Variants in CTNNA2 observed in about 807,000 individuals in gnomAD.
The protein encoded by CTNNA2 is catenin alpha 2.
CTNNA2 carries 42 observed loss-of-function variants against 101.0 expected under a neutral mutation model. The ratio of observed to expected loss-of-function variants is 0.42; its 90% CI spans 0.32 to 0.54. CTNNA2 has a LOEUF of 0.54. Among genes scored for constraint, CTNNA2 ranks in the 20% least tolerant of loss-of-function variants. The probability of loss-of-function intolerance (pLI) is 0.14; values close to 1 mark genes in which losing one functional copy is unlikely to be tolerated. For missense variants in CTNNA2, 871 were observed against 1,223.1 expected, an observed-to-expected ratio of 0.71 and a Z score of 4.29; for synonymous variants, 450 against 456.4, an observed-to-expected ratio of 0.99 and a Z score of 0.18.
chr2:80,404,563 TG>T (rs1385380608), intron 8 of CTNNA2, among the ~76,000 whole-genome samples: 3 of 152,068 alleles, frequency 2.0e-5, no homozygotes, highest in Non-Finnish European at 4.4e-5. Context: ...AATGAGGAGA[TG>T]GGTAGGAGTT....
At chr2:80,455,881 G>A (rs997761174) in intron 9 of CTNNA2, among the ~76,000 whole-genome samples, 3 of 152,036 alleles carry the variant, frequency 2.0e-5, no homozygotes, top group South Asian at 2.1e-4. Context: ...TTTAATCTTC[G>A]AAACAAGCCT....
chr2:80,549,847 G>T (rs1281731832), intron 11 of CTNNA2, among the ~76,000 whole-genome samples: 2 of 152,134 alleles, frequency 1.3e-5, no homozygotes, highest in Admixed American at 1.3e-4. Flanking sequence ...TGTGAATGAA[G>T]TGTGTATTCT....
intron 4 of CTNNA2, among the ~76,000 whole-genome samples, chr2:79,862,478 A>T (rs1681697726): frequency 6.6e-6 from 1 of 152,218 alleles, no homozygotes; most frequent in African/African-American, 2.4e-5. Context: ...GTGTTTGAAT[A>T]ACAGTAGTCA....
chr2:80,560,949 T>G (rs188169956), intron 12 of CTNNA2, among the ~76,000 whole-genome samples: 22 of 152,078 alleles, frequency 1.4e-4, no homozygotes, highest in Non-Finnish European at 2.4e-4. Context: ...ACTTTGTCTT[T>G]TTTTTCTGTA....
chr2:80,618,574 T>A (rs1361768255), intron 17 of CTNNA2: 3 of 151,906 alleles, frequency 2.0e-5, no homozygotes, highest in African/African-American at 7.2e-5. Context: ...GTGATCCCAA[T>A]GAAAGAGGTA....
At chr2:79,422,319 C>T (rs1678548359) in intron 4 of CTNNA2, among the ~76,000 whole-genome samples, 1 of 151,924 alleles carries the variant, frequency 6.6e-6, no homozygotes, top group Admixed American at 6.6e-5. Context: ...GTTTTGCCTC[C>T]CAAAGACATA....
intron 7 of CTNNA2, among the ~76,000 whole-genome samples, chr2:79,946,205 T>A (rs1688482575): frequency 6.6e-6 from 1 of 152,052 alleles, no homozygotes; most frequent in African/African-American, 2.4e-5. Context: ...AAATAACTAA[T>A]GAAAGCCAAA....
intron 8 of CTNNA2, among the ~76,000 whole-genome samples, chr2:80,400,421 C>G (rs1049581891): frequency 1.3e-5 from 2 of 152,116 alleles, no homozygotes; most frequent in Non-Finnish European, 2.9e-5. Flanking sequence ...CATATTGTGC[C>G]TTAGTGATTC....
chr2:79,447,287 T>C (rs753094684), intron 4 of CTNNA2, among the ~76,000 whole-genome samples: 1 of 152,032 alleles, frequency 6.6e-6, no homozygotes, highest in Non-Finnish European at 1.5e-5. Context: ...AAGCCATCTA[T>C]AAATGCTCAC....
intron 7 of CTNNA2, among the ~76,000 whole-genome samples, chr2:79,928,615 C>T (rs1315899699): frequency 1.3e-5 from 2 of 152,042 alleles, no homozygotes; most frequent in East Asian, 3.9e-4. Context: ...TATTACCTAC[C>T]ACTGGAAAAC....
chr2:80,586,057 C>G (rs1043657335), intron 14 of CTNNA2, among the ~76,000 whole-genome samples: 28 of 152,112 alleles, frequency 1.8e-4, no homozygotes, highest in Non-Finnish European at 2.5e-4. Flanking sequence ...TGTGTCCGTT[C>G]TGGCAACTTC....
chr2:79,750,959 G>A (rs1357533567), intron 3 of CTNNA2, among the ~76,000 whole-genome samples: 1 of 152,024 alleles, frequency 6.6e-6, no homozygotes, highest in African/African-American at 2.4e-5. Context: ...TATATCCTAT[G>A]CTAAATGATG....
chr2:79,556,536 T>A (rs2104096207), intron 1 of CTNNA2, among the ~76,000 whole-genome samples: 1 of 152,206 alleles, frequency 6.6e-6, no homozygotes, highest in Non-Finnish European at 1.5e-5. Context: ...GCCAGTCCCC[T>A]GATACATTCT....
chr2:79,331,695 C>T (rs909526871), intron 3 of CTNNA2, among the ~76,000 whole-genome samples: 15 of 152,216 alleles, frequency 9.9e-5, no homozygotes, highest in African/African-American at 3.6e-4. Flanking sequence ...CTGTGCTGTC[C>T]TCAGCTTCTG....
chr2:79,379,002 C>T (rs1558653055), intron 4 of CTNNA2, among the ~76,000 whole-genome samples: 1 of 152,140 alleles, frequency 6.6e-6, no homozygotes, highest in Non-Finnish European at 1.5e-5. Context: ...CTCAGTACCA[C>T]TTGTTTTCCT....
chr2:80,195,496 C>T (rs543713465), intron 7 of CTNNA2, among the ~76,000 whole-genome samples: 7 of 151,982 alleles, frequency 4.6e-5, no homozygotes, highest in Admixed American at 4.6e-4. Context: ...TCCAAGTTTA[C>T]AATCTTAGTC....
At chr2:79,316,177 G>T (rs550088242) in intron 3 of CTNNA2, among the ~76,000 whole-genome samples, 37 of 152,140 alleles carry the variant, frequency 2.4e-4, no homozygotes, top group African/African-American at 8.4e-4. Flanking sequence ...ATATCAGGAT[G>T]TCCCAGCACC....
intron 18 of CTNNA2, among the ~76,000 whole-genome samples, chr2:80,623,724 G>T (rs1440700181): frequency 6.6e-6 from 1 of 151,778 alleles, no homozygotes; most frequent in African/African-American, 2.4e-5. Context: ...TAGGTTCTTG[G>T]AGTCTGTAAT....
intron 2 of CTNNA2, among the ~76,000 whole-genome samples, chr2:79,242,967 GAA>G: frequency 1.5e-5 from 1 of 66,736 alleles, no homozygotes; most frequent in Non-Finnish European, 3.0e-5. Flanking sequence ...ATCCTGTCTC[GAA>G]ATATATATAT....
Sources: gnomAD v4.1 joint callset for allele counts (sites outside exome capture counted in the v4.1 genomes callset) on GRCh38, gnomAD v4.1.1 for gene constraint, MANE v1.5 for transcripts, NCBI Gene and HGNC (gene_info 2026-07-23, HGNC 2026-07-21) for gene names.